BARD1: variants seen among roughly 807,000 people sequenced by gnomAD.
The protein encoded by BARD1 is BRCA1-associated RING domain protein 1.
BARD1 carries 73 observed loss-of-function variants against 77.0 expected under a neutral mutation model. The observed-to-expected ratio is 0.95, with a 90% confidence interval of 0.79 to 1.15. The LOEUF is 1.15. BARD1 is among the 50% of genes most tolerant of loss of function. The pLI, the probability that BARD1 is intolerant of heterozygous loss-of-function variation, is 0.00. For synonymous variants in BARD1, 384 were observed against 338.0 expected (o/e 1.14, Z -1.49); for missense variants, 993 against 938.8 (o/e 1.06, Z -0.75).
At chr2:214,770,467 G>GAA (rs773762427) in intron 4 of BARD1, among the ~76,000 whole-genome samples, 4 of 152,158 alleles carry the variant, frequency 2.6e-5, no homozygotes, top group Non-Finnish European at 4.4e-5. Flanking sequence ...CTTTACTTTA[G>GAA]AAATCACAAC....
At chr2:214,795,907 AC>A (rs1195081293) in intron 2 of BARD1, among the ~76,000 whole-genome samples, 1 of 151,908 alleles carries the variant, frequency 6.6e-6, no homozygotes, top group Non-Finnish European at 1.5e-5. Context: ...TCCATCTCCT[AC>A]CCCCCATCCT....
chr2:214,737,109 G>C (rs1377117832), intron 9 of BARD1, among the ~76,000 whole-genome samples: 1 of 152,110 alleles, frequency 6.6e-6, no homozygotes, highest in Non-Finnish European at 1.5e-5. Context: ...ACTACTTCAA[G>C]GATTGCGACT....
At chr2:214,734,488 TAATA>T (rs1692485572) in intron 9 of BARD1, among the ~76,000 whole-genome samples, 1 of 152,134 alleles carries the variant, frequency 6.6e-6, no homozygotes, top group Non-Finnish European at 1.5e-5. Context: ...TCTTATAAAT[TAATA>T]GAGAACCATG....
chr2:214,767,726 A>C, intron 5 of BARD1, 72 bp from the exon 6 acceptor site: 1 of 1,342,538 alleles, frequency 7.4e-7, no homozygotes, highest in Non-Finnish European at 1.1e-6. Context: ...ATAATATCAC[A>C]CTTTAGAAAA....
Position 214,781,078 on chromosome 2 carries a change from A to G in BARD1, c.796T>C (p.Leu266=), listed in dbSNP as rs2106110370. 6.3e-7 allele frequency: 1 copy of G among 1,597,180 alleles called. No homozygotes were observed. The highest frequency in any genetic ancestry group is 1.1e-5 in the South Asian group (1 of 87,428). Residue 266 remains leucine, a synonymous_variant, in exon 4 of 11, where the codon TTG becomes CTG. Coordinates refer to ENST00000260947, the MANE Select transcript of BARD1 (RefSeq NM_000465.4). The part of the protein sequence containing the change: ...GEIDLLASGS[L]TESECFGSLT... ...CTTCCAAAACATTCAGATTCTGTCA[A>G]GGAGCCACTTGCTAGTAAGTCTATT...
rs1692167543 is a variant in BARD1 at position 214,728,271 on chromosome 2, TTC to T, written c.*403_*404del. 1 of 244,628 alleles carries T rather than the reference TTC, an allele frequency of 4.1e-6. No homozygotes were observed. Among genetic ancestry groups the T allele is most frequent in the African/African-American group, 2.3e-5 (1 of 43,940 alleles). The allele number at this position is 244,628 out of a possible 1,614,324, so 15.2% of individuals were successfully genotyped here. ...AGCCAAAATAAATTGTTTGATAATA[TTC>T]TGTTTACTAAAAAAAAAAAAAAAAA... On this transcript the variant is annotated 3_prime_UTR_variant, in exon 11 of 11. Coordinates refer to ENST00000260947, the MANE Select transcript of BARD1 (RefSeq NM_000465.4).
At chr2:214,789,375 T>TA (rs772623207) in intron 3 of BARD1, among the ~76,000 whole-genome samples, 7,941 of 141,472 alleles carry the variant, frequency 0.056, 229 homozygotes, top group Admixed American at 0.087. Flanking sequence ...CTATCTCTTC[T>TA]AAAAAAAAAA....
At chr2:214,751,113 GTGTGTATATATA>G (rs1305095162) in intron 7 of BARD1, among the ~76,000 whole-genome samples, 88 of 9,118 alleles carry the variant, frequency 9.7e-3, no homozygotes, top group South Asian at 0.049. Context: ...GTGTGTGTGT[GTGTGTATATATA>G]TATATATATA....
rs6733785 is a variant in BARD1 at position 214,769,508 on chromosome 2, A to G, written c.1315-196T>C. 0.76 allele frequency among the ~76,000 whole-genome samples: 114,765 copies of G among 151,942 alleles called. 44,166 individuals carry two copies. Among genetic ancestry groups the G allele is most frequent in the East Asian group, 0.95 (4,902 of 5,166 alleles). ...TGTAATCCCAACACTTTGAGAGGCC[A>G]AGGTGGGTGGATCACCTGAGGTCAG... On this transcript the variant is annotated intron_variant, in intron 4 of 10. Coordinates refer to ENST00000260947, the MANE Select transcript of BARD1 (RefSeq NM_000465.4).
intron 1 of BARD1, among the ~76,000 whole-genome samples, chr2:214,805,350 T>C (rs1164983918): frequency 6.6e-6 from 1 of 152,168 alleles, no homozygotes; most frequent in African/African-American, 2.4e-5. Context: ...CATCACCTTA[T>C]CACCCCTTAC....
chr2:214,791,456 AAC>A (rs1695507766), intron 3 of BARD1, among the ~76,000 whole-genome samples: 1 of 152,210 alleles, frequency 6.6e-6, no homozygotes, highest in African/African-American at 2.4e-5. Flanking sequence ...TTCTTCTACA[AAC>A]ACACACTAAA....
chr2:214,802,982 A>C (rs112311164), intron 1 of BARD1, among the ~76,000 whole-genome samples: 23 of 152,298 alleles, frequency 1.5e-4, no homozygotes, highest in African/African-American at 5.5e-4. Context: ...GTACTAAGAA[A>C]AATTCTTCTG....
At chr2:214,746,991 A>G (rs1693152754) in intron 7 of BARD1, among the ~76,000 whole-genome samples, 1 of 152,158 alleles carries the variant, frequency 6.6e-6, no homozygotes, top group Admixed American at 6.6e-5. Context: ...TCTACAATGA[A>G]CTCAAACAAA....
chr2:214,792,940 G>A (rs1022752608), intron 2 of BARD1, among the ~76,000 whole-genome samples: 6 of 152,108 alleles, frequency 3.9e-5, no homozygotes, highest in Admixed American at 2.6e-4. Flanking sequence ...AATTACCTGG[G>A]TTATCTAAGG....
intron 5 of BARD1, among the ~76,000 whole-genome samples, chr2:214,768,812 T>C (rs1471045376): frequency 1.3e-5 from 2 of 152,262 alleles, no homozygotes; most frequent in Non-Finnish European, 2.9e-5. Context: ...TTGGATAGGG[T>C]ATAAGTGAGG....
At chr2:214,767,433 C>A (rs773110604) in intron 6 of BARD1, 49 bp downstream of exon 6, 1 of 1,573,300 alleles carries the variant, frequency 6.4e-7, no homozygotes, top group Non-Finnish European at 8.7e-7. Context: ...CACCTTGATT[C>A]AAGAATATAG....
intron 1 of BARD1, among the ~76,000 whole-genome samples, chr2:214,799,799 C>T (rs1204103623): frequency 2.0e-5 from 3 of 152,140 alleles, no homozygotes; most frequent in Non-Finnish European, 4.4e-5. Flanking sequence ...TAAATGAGTG[C>T]TCCATACCAG....
intron 1 of BARD1, among the ~76,000 whole-genome samples, chr2:214,802,009 C>G (rs1392723869): frequency 6.6e-6 from 1 of 152,100 alleles, no homozygotes; most frequent in Non-Finnish European, 1.5e-5. Flanking sequence ...CAGGTGCACA[C>G]CACCATACCT....
chr2:214,770,870 C>A (rs901459561), intron 4 of BARD1, among the ~76,000 whole-genome samples: 1 of 152,200 alleles, frequency 6.6e-6, no homozygotes, highest in African/African-American at 2.4e-5. Context: ...TAATAATCCT[C>A]CAGCTATCTA....
Sources: allele counts gnomAD v4.1 joint callset (sites outside exome capture counted in the v4.1 genomes callset), GRCh38; gene constraint gnomAD v4.1.1; transcripts MANE v1.5; gene names NCBI Gene and HGNC (gene_info 2026-07-23, HGNC 2026-07-21).